Variants in JMY observed in about 807,000 individuals in gnomAD.
JMY encodes the protein junction mediating and regulatory protein, p53 cofactor.
A neutral mutation model predicts 103.3 loss-of-function variants in JMY; 46 were observed. The ratio of observed to expected loss-of-function variants is 0.45; its 90% CI spans 0.35 to 0.57. The LOEUF is 0.57. Among genes scored for constraint, JMY ranks in the 20% least tolerant of loss-of-function variants. The pLI is 0.00. For missense variants in JMY, 1,238 were observed against 1,255.2 expected (o/e 0.99, Z 0.21); for synonymous variants, 526 against 489.3 (o/e 1.07, Z -0.99).
chr5:79,263,058 A>T (rs2112067979), intron 1 of JMY, among the ~76,000 whole-genome samples: 1 of 152,160 alleles, frequency 6.6e-6, no homozygotes. Context: ...GTGGCATTTG[A>T]TCACTTGTAA....
At position 79,313,820 on chromosome 5, in the gene JMY, C is replaced by T. The variant is rs115492100; in HGVS notation, c.2065-437C>T. Among the ~76,000 whole-genome samples, 1,073 of 152,194 alleles carry T rather than the reference C, an allele frequency of 7.1e-3. 7 individuals are homozygous for T. Among genetic ancestry groups the T allele is most frequent in the Non-Finnish European group, 0.011 (741 of 67,998 alleles). ...TTTGTAAGCTATTATTAGGTACTTT[C>T]GGATTTTCTGTATAACTTTAAGGGT... On this transcript the variant is annotated intron_variant, in intron 8 of 10. Coordinates refer to ENST00000396137, the MANE Select transcript of JMY (RefSeq NM_152405.5).
At chr5:79,303,517 TA>T (rs1242101124) in intron 6 of JMY, among the ~76,000 whole-genome samples, 1 of 152,170 alleles carries the variant, frequency 6.6e-6, no homozygotes, top group Non-Finnish European at 1.5e-5. Flanking sequence ...CGTTCTTGGC[TA>T]GGGGTGAGAA....
At chr5:79,320,992 A>C (rs1183478678) in intron 10 of JMY, among the ~76,000 whole-genome samples, 1 of 152,232 alleles carries the variant, frequency 6.6e-6, no homozygotes, top group Non-Finnish European at 1.5e-5. Context: ...TTTAAATCAA[A>C]CTGGATTTAA....
In JMY at chr5:79,236,880, G is replaced by A; in HGVS notation, c.230G>A (p.Gly77Glu). The A allele has an allele frequency of 7.2e-7, 1 of 1,387,794 alleles. No homozygotes were observed. The highest frequency in any genetic ancestry group is 9.3e-7 in the Non-Finnish European group (1 of 1,072,846). The allele number at this position is 1,387,794 out of a possible 1,614,324, so 86.0% of individuals were successfully genotyped here. ...GAEAGGAASD[G>E]SRGPGSPAGR... ...GAGGCCGGCGGAGCTGCGTCCGACG[G>A]GAGCCGCGGGCCCGGCAGCCCGGCG... The change falls in exon 1 of 11, where the codon GGG (glycine) becomes GAG (glutamate). Residue 77 changes from glycine (G) to glutamate (E), a missense_variant. Gly to Glu is a moderately conservative substitution (Grantham distance 98, BLOSUM62 -2). Transcript: ENST00000396137.
In JMY at chr5:79,326,392, T is replaced by C. The variant is rs2112134992; in HGVS notation, c.*4790T>C. 6.6e-6 allele frequency: 1 copy of C among 152,060 alleles called. No homozygotes were observed. Among genetic ancestry groups the C allele is most frequent in the African/African-American group, 2.4e-5 (1 of 41,488 alleles). 9.4% of individuals were successfully genotyped at this position (152,060 alleles called of 1,614,324 possible). A position where few individuals can be genotyped will look rare whatever the true frequency, so the allele number is the denominator to read the frequency against. On this transcript the variant is annotated 3_prime_UTR_variant, in exon 11 of 11. Coordinates refer to ENST00000396137, the MANE Select transcript of JMY (RefSeq NM_152405.5). The stretch of plus-strand genomic sequence containing the variant: ...TTCTATGGGTAGCTATCAAAGGGTG[T>C]AACAAATTATTCCAGCTTTTCCCAA...
chr5:79,287,010 C>G (rs11959628), intron 2 of JMY, among the ~76,000 whole-genome samples: 1 of 151,758 alleles, frequency 6.6e-6, no homozygotes, highest in Non-Finnish European at 1.5e-5. Context: ...GGAGGAACCC[C>G]GTGGAGCTGA....
chr5:79,275,314 C>T (rs1327340948), intron 1 of JMY, among the ~76,000 whole-genome samples: 1 of 152,120 alleles, frequency 6.6e-6, no homozygotes, highest in East Asian at 1.9e-4. Flanking sequence ...GTGCCCGCCA[C>T]CACGCCTGGC....
At chr5:79,314,158 CACATA>C in intron 8 of JMY, 94 bp from the exon 9 acceptor site, 1 of 1,504,970 alleles carries the variant, frequency 6.6e-7, no homozygotes, top group Non-Finnish European at 8.8e-7. Context: ...CACACCCGGC[CACATA>C]ACATCTTTTA....
intron 1 of JMY, among the ~76,000 whole-genome samples, chr5:79,270,558 A>G (rs1249667260): frequency 7.5e-6 from 1 of 133,850 alleles, no homozygotes; most frequent in East Asian, 2.1e-4. Flanking sequence ...GTATATTTAC[A>G]TAAATATTTA....
At chr5:79,300,048 T>C (rs1746685466) in intron 4 of JMY, 105 bp from the exon 5 acceptor site, 7 of 736,414 alleles carry the variant, frequency 9.5e-6, no homozygotes, top group Non-Finnish European at 6.5e-6. Context: ...CTGAGAGGAA[T>C]TACTTAATAG....
chr5:79,321,578 T>A (rs1747451096), intron 10 of JMY, 28 bp from the exon 11 acceptor site: 2 of 152,164 alleles, frequency 1.3e-5, no homozygotes, highest in South Asian at 4.1e-4. Flanking sequence ...TTTTTTTTAA[T>A]GGTCTGTATT....
In JMY at chr5:79,237,638, G is replaced by A. The variant is rs1175308911; in HGVS notation, c.988G>A (p.Gly330Ser). 1.9e-6 allele frequency: 3 copies of A among 1,613,772 alleles called. No individual in the cohort carries two copies. Among genetic ancestry groups the A allele is most frequent in the Non-Finnish European group, 2.5e-6 (3 of 1,179,964 alleles). ...AAGCCTCAGCGAGCTGCGGCAGAAG[G>A]GCTACGAAGAAGTGCTTCAGCGGGC... ...YESLSELRQK[G>S]YEEVLQRARK... is the part of the protein sequence containing the mutation. Residue 330 changes from glycine to serine, a missense_variant, in exon 1 of 11, where the codon GGC becomes AGC. Physicochemically the swap from Gly to Ser is moderately conservative, Grantham distance 56. Transcript: ENST00000396137.
intron 4 of JMY, among the ~76,000 whole-genome samples, chr5:79,295,755 T>C (rs978558763): frequency 2.6e-5 from 4 of 152,162 alleles, no homozygotes; most frequent in Non-Finnish European, 5.9e-5. Context: ...AGGTGGGGTT[T>C]TTGAGGTCCT....
intron 6 of JMY, among the ~76,000 whole-genome samples, chr5:79,304,374 A>G (rs753169240): frequency 6.6e-6 from 1 of 152,196 alleles, no homozygotes; most frequent in East Asian, 1.9e-4. Context: ...AACATGCCCA[A>G]GGTCACTGGC....
rs758959329 is a variant in JMY at position 79,316,310 on chromosome 5, A to G, written c.*3A>G. 1.2e-6 allele frequency: 2 copies of G among 1,600,788 alleles called. No individual in the cohort carries two copies. The highest frequency in any genetic ancestry group is 1.7e-6 in the Non-Finnish European group (2 of 1,172,894). ...CTTGCACAGACTGGGAGAACTAACAAGTAAACGGCCTTATTGTCTTTAGTA... is the reference window on the plus strand; with the variant it reads ...CTTGCACAGACTGGGAGAACTAACAGGTAAACGGCCTTATTGTCTTTAGTA... On this transcript the variant is annotated splice_region_variant and 3_prime_UTR_variant, in exon 10 of 11. Coordinates refer to ENST00000396137, the MANE Select transcript of JMY (RefSeq NM_152405.5).
chr5:79,307,262 C>G (rs1341091379), intron 7 of JMY, among the ~76,000 whole-genome samples: 2 of 152,098 alleles, frequency 1.3e-5, no homozygotes, highest in Non-Finnish European at 2.9e-5. Flanking sequence ...GGGTAAATAA[C>G]AAGGAGCATG....
intron 10 of JMY, among the ~76,000 whole-genome samples, chr5:79,317,617 G>T (rs1467324159): frequency 6.6e-6 from 1 of 152,056 alleles, no homozygotes; most frequent in African/African-American, 2.4e-5. Context: ...ATTCACCAAA[G>T]TAGGGAAGAC....
chr5:79,316,942 T>C lies in JMY; in HGVS notation c.*3+632T>C, dbSNP rs951525196. 2.7e-5 allele frequency among the ~76,000 whole-genome samples: 4 copies of C among 146,754 alleles called. No individual in the cohort carries two copies. The Admixed American group carries it at 2.7e-4, about 10-fold the overall frequency. On this transcript the variant is annotated intron_variant, in intron 10 of 10. Transcript: ENST00000396137. ...AAAAAAGGCTTTCCAGGTTCAGTGGTTCGCTTCTGTAGTCCCAGTTACTCA... is the reference window on the plus strand; with the variant it reads ...AAAAAAGGCTTTCCAGGTTCAGTGGCTCGCTTCTGTAGTCCCAGTTACTCA...
chr5:79,258,385 C>T (rs1442452151), intron 1 of JMY, among the ~76,000 whole-genome samples: 1 of 144,050 alleles, frequency 6.9e-6, no homozygotes, highest in Non-Finnish European at 1.5e-5. Flanking sequence ...CTTGGGGTGT[C>T]GCCTCACCAG....
Sources: gnomAD v4.1 joint callset for allele counts (sites outside exome capture counted in the v4.1 genomes callset) on GRCh38, gnomAD v4.1.1 for gene constraint, MANE v1.5 for transcripts, NCBI Gene and HGNC (gene_info 2026-07-23, HGNC 2026-07-21) for gene names.